Variants in LARGE1 observed in about 807,000 individuals in gnomAD.
LARGE1 encodes the protein xylosyl- and glucuronyltransferase LARGE1.
A neutral mutation model predicts 87.6 loss-of-function variants in LARGE1; 43 were observed. That is an observed-to-expected ratio of 0.49 (90% CI 0.38 to 0.63). The LOEUF (loss-of-function observed/expected upper bound fraction) is 0.63, where lower values mean the gene tolerates loss of function less well. Among genes scored for constraint, LARGE1 ranks in the 30% least tolerant of loss-of-function variants. The probability of loss-of-function intolerance (pLI) is 0.00; values close to 1 mark genes in which losing one functional copy is unlikely to be tolerated. For synonymous variants in LARGE1, 434 were observed against 394.6 expected (o/e 1.10, Z -1.18); for missense variants, 802 against 1,000.2 (o/e 0.80, Z 2.67).
intron 1 of LARGE1, among the ~76,000 whole-genome samples, chr22:33,769,537 C>T (rs2085003003): frequency 6.6e-6 from 1 of 152,152 alleles, no homozygotes; most frequent in Admixed American, 6.5e-5. Context: ...GCAGCAGTCT[C>T]ACTGGATATT....
intron 1 of LARGE1, among the ~76,000 whole-genome samples, chr22:33,918,235 T>C (rs76322073): frequency 0.032 from 4,815 of 152,282 alleles, 105 homozygotes; most frequent in Middle Eastern, 0.068. Context: ...ATCAAAAAGT[T>C]AATCCACACC....
At chr22:33,217,107 T>C (rs540315664) in intron 11 of LARGE1, among the ~76,000 whole-genome samples, 1 of 152,246 alleles carries the variant, frequency 6.6e-6, no homozygotes, top group South Asian at 2.1e-4. Flanking sequence ...GACTTTTCTA[T>C]GCAAATGAAG....
chr22:33,310,575 T>C (rs1340654458), intron 11 of LARGE1, among the ~76,000 whole-genome samples: 1 of 152,162 alleles, frequency 6.6e-6, no homozygotes, highest in Non-Finnish European at 1.5e-5. Flanking sequence ...GCTCTCCTAA[T>C]TCGTTGTGGC....
chr22:33,644,028 A>G (rs2080527427), intron 3 of LARGE1, among the ~76,000 whole-genome samples: 1 of 152,144 alleles, frequency 6.6e-6, no homozygotes, highest in Non-Finnish European at 1.5e-5. Flanking sequence ...TTCCAAAAAT[A>G]AAAAAAGAGG....
At chr22:33,312,438 CA>C (rs370832626) in intron 11 of LARGE1, among the ~76,000 whole-genome samples, 1,835 of 56,420 alleles carry the variant, frequency 0.033, 21 homozygotes, top group African/African-American at 0.089. Context: ...GACTCTGTCT[CA>C]AAAAAAAAAA....
chr22:33,757,359 TACATC>T (rs2145694952), intron 2 of LARGE1, among the ~76,000 whole-genome samples: 1 of 152,316 alleles, frequency 6.6e-6, no homozygotes, highest in Admixed American at 6.5e-5. Context: ...TCAGTTCACT[TACATC>T]AGACGTTAGA....
At chr22:33,568,007 G>C (rs1347905841) in intron 5 of LARGE1, among the ~76,000 whole-genome samples, 1 of 152,182 alleles carries the variant, frequency 6.6e-6, no homozygotes, top group East Asian at 1.9e-4. Context: ...TTTAATAAAA[G>C]GACTATTTAA....
rs140265814 is a variant in LARGE1, at chr22:33,600,597, G to C, written c.615+3838C>G. 8.7e-4 allele frequency among the ~76,000 whole-genome samples: 127 copies of C among 146,498 alleles called. 1 individual carries two copies. Among genetic ancestry groups the C allele is most frequent in the African/African-American group, 3.2e-3 (122 of 38,706 alleles). On this transcript the variant is annotated intron_variant, in intron 5 of 14. Coordinates refer to ENST00000397394, the MANE Select transcript of LARGE1 (RefSeq NM_133642.5). ...CATTAGCAATGGGGGAAAGGAAGGAGGTTGGGCAACAGTTTAATAAATAGA... is the reference window on the plus strand; with the variant it reads ...CATTAGCAATGGGGGAAAGGAAGGACGTTGGGCAACAGTTTAATAAATAGA...
chr22:33,556,750 G>A (rs139408574), intron 6 of LARGE1, among the ~76,000 whole-genome samples: 1,915 of 152,024 alleles, frequency 0.013, 41 homozygotes, highest in African/African-American at 0.044. Context: ...GCTCACGCCT[G>A]TAATCCCAGC....
chr22:33,640,010 T>C (rs2080380644), intron 3 of LARGE1, among the ~76,000 whole-genome samples: 1 of 152,194 alleles, frequency 6.6e-6, no homozygotes. Context: ...TTTTCAGAAA[T>C]GCTTTTCGGA....
chr22:33,349,886 C>T (rs769221700), intron 9 of LARGE1, among the ~76,000 whole-genome samples: 9 of 152,160 alleles, frequency 5.9e-5, no homozygotes, highest in Non-Finnish European at 1.2e-4. Context: ...GACAAAAACA[C>T]ATCATTATCC....
intron 2 of LARGE1, chr22:33,750,682 T>A (rs1378269839): frequency 6.6e-6 from 1 of 152,118 alleles, no homozygotes; most frequent in Non-Finnish European, 1.5e-5. Context: ...GGGGTCAATA[T>A]CAAGCAGTAA....
chr22:33,797,033 GGATCACA>G (rs2086008690), intron 1 of LARGE1, among the ~76,000 whole-genome samples: 1 of 152,158 alleles, frequency 6.6e-6, no homozygotes, highest in South Asian at 2.1e-4. Flanking sequence ...CAAAGTGCTA[GGATCACA>G]GGCGTGAGCC....
chr22:33,339,921 C>A (rs917262088), intron 9 of LARGE1, among the ~76,000 whole-genome samples: 2 of 152,180 alleles, frequency 1.3e-5, no homozygotes, highest in African/African-American at 4.8e-5. Flanking sequence ...CCACCTTGGC[C>A]TCCCAAAGTT....
chr22:33,415,746 C>T (rs1264592433), intron 7 of LARGE1, among the ~76,000 whole-genome samples: 1 of 152,170 alleles, frequency 6.6e-6, no homozygotes, highest in African/African-American at 2.4e-5. Flanking sequence ...TTTCAACAGG[C>T]TGCAGCCACA....
intron 11 of LARGE1, among the ~76,000 whole-genome samples, chr22:33,226,415 G>A (rs1180711534): frequency 6.6e-6 from 1 of 152,186 alleles, no homozygotes. Context: ...AAAACAAAAT[G>A]AGGACATTAC....
chr22:33,528,708 A>T (rs1352308449), intron 6 of LARGE1, among the ~76,000 whole-genome samples: 1 of 152,140 alleles, frequency 6.6e-6, no homozygotes, highest in Non-Finnish European at 1.5e-5. Flanking sequence ...TGCAGAAGAA[A>T]GCCTAACGGT....
chr22:33,120,047 A>G, the LARGE1 span, among the ~76,000 whole-genome samples: 1 of 152,252 alleles, frequency 6.6e-6, no homozygotes, highest in South Asian at 2.1e-4. Flanking sequence ...ATATGGCCAC[A>G]TGAGCATGGT....
Position 33,502,770 on chromosome 22 carries a change from C to T in LARGE1, c.787+62078G>A, listed in dbSNP as rs142848788. 3.5e-4 allele frequency among the ~76,000 whole-genome samples: 54 copies of T among 152,230 alleles called. 2 individuals carry two copies. In the East Asian group the frequency reaches 0.01, roughly 29 times the overall value. On this transcript the variant is annotated intron_variant, in intron 6 of 14. Coordinates refer to ENST00000397394, the MANE Select transcript of LARGE1 (RefSeq NM_133642.5). ...TTTTAGTAGAGACAAGGTTTCACCA[C>T]GTTGGCCAGGATGGTCTCGATCTCT...
Sources: gnomAD v4.1 joint callset for allele counts (sites outside exome capture counted in the v4.1 genomes callset) on GRCh38, gnomAD v4.1.1 for gene constraint, MANE v1.5 for transcripts, NCBI Gene and HGNC (gene_info 2026-07-23, HGNC 2026-07-21) for gene names.